The following ULK4 variants were observed in gnomAD, a reference collection of about 807,000 sequenced individuals.
ULK4 encodes the protein inactive serine/threonine-protein kinase ULK4.
A neutral mutation model predicts 160.6 loss-of-function variants in ULK4; 133 were observed. That is an observed-to-expected ratio of 0.83 (90% CI 0.72 to 0.96). The LOEUF is 0.96. Ranked by LOEUF, ULK4 falls within the 40% of genes least tolerant of loss-of-function variation. The pLI, the probability that ULK4 is intolerant of heterozygous loss-of-function variation, is 0.00. For synonymous variants in ULK4, 534 were observed against 539.8 expected (o/e 0.99, Z 0.15); for missense variants, 1,580 against 1,499.5 (o/e 1.05, Z -0.89).
chr3:41,794,685 AACAC>A (rs1491269559), intron 20 of ULK4, among the ~76,000 whole-genome samples: 15 of 129,022 alleles, frequency 1.2e-4, no homozygotes, highest in South Asian at 2.4e-4. Flanking sequence ...AAAAAAAAAA[AACAC>A]AGAAAAAAAA....
rs546140378 is a variant in ULK4, at chr3:41,642,807, C to G, written c.3071+20800G>C. On this transcript the variant is annotated intron_variant, in intron 30 of 36. Coordinates refer to ENST00000301831, the MANE Select transcript of ULK4 (RefSeq NM_017886.4). The stretch of plus-strand genomic sequence containing the variant: ...TTGAACTGGTTTACAGTCCCACCAA[C>G]AGTGTAAAAGTGTTCCTATTTCTCC... Among the ~76,000 whole-genome samples the G allele has an allele frequency of 1.4e-4, 22 of 152,360 alleles. No homozygotes were observed. In the East Asian group the frequency reaches 4.2e-3, roughly 29 times the overall value.
Position 41,398,184 on chromosome 3 carries a change from G to T in ULK4, c.3573C>A (p.Asn1191Lys). ...CATTTTCAGGAGAGAGGCTGTCCGG[G>T]TTTTCCCCTCCATACAGCTGAACCA... ...SILVQLYGGE[N>K]PDSLSPENVE... Residue 1191 changes from asparagine (N) to lysine (K), a missense_variant, in exon 35 of 37, where the codon AAC (asparagine) becomes AAA (lysine). Transcript: ENST00000301831. The T allele has an allele frequency of 1.2e-6, 2 of 1,613,424 alleles. No individual in the cohort carries two copies. Among genetic ancestry groups the T allele is most frequent in the East Asian group, 2.2e-5 (1 of 44,834 alleles).
intron 2 of ULK4, among the ~76,000 whole-genome samples, chr3:41,947,879 C>T (rs756296161): frequency 1.3e-5 from 2 of 152,134 alleles, no homozygotes; most frequent in East Asian, 1.9e-4. Context: ...CTCAACAATA[C>T]GCTTTTGGTG....
At chr3:41,435,263 T>C (rs1170923898) in intron 34 of ULK4, among the ~76,000 whole-genome samples, 1 of 152,160 alleles carries the variant, frequency 6.6e-6, no homozygotes, top group Admixed American at 6.6e-5. Flanking sequence ...TCTCAAGAAA[T>C]GAATCTCACA....
At chr3:41,631,799 T>A (rs1575502869) in intron 30 of ULK4, among the ~76,000 whole-genome samples, 1 of 152,164 alleles carries the variant, frequency 6.6e-6, no homozygotes, top group East Asian at 1.9e-4. Flanking sequence ...GACTCTTTTA[T>A]GAAGCACCTC....
intron 35 of ULK4, among the ~76,000 whole-genome samples, chr3:41,306,368 A>G (rs866623392): frequency 2.5e-4 from 25 of 98,052 alleles, no homozygotes; most frequent in African/African-American, 1.3e-3. Flanking sequence ...CCCCCCGCCC[A>G]GCCAGCTGCC....
At chr3:41,593,404 G>GCA (rs34968650) in intron 31 of ULK4, among the ~76,000 whole-genome samples, 54,001 of 150,876 alleles carry the variant, frequency 0.36, 10,341 homozygotes, top group Non-Finnish European at 0.44. Flanking sequence ...ACACATGCAT[G>GCA]CACACACACA....
At chr3:41,706,553 C>T (rs977380736) in intron 25 of ULK4, among the ~76,000 whole-genome samples, 1 of 150,784 alleles carries the variant, frequency 6.6e-6, no homozygotes, top group East Asian at 1.9e-4. Context: ...ATAGGCCAAG[C>T]GCAGTGGCTC....
chr3:41,387,750 C>T (rs1250547455), intron 35 of ULK4, among the ~76,000 whole-genome samples: 2 of 152,190 alleles, frequency 1.3e-5, no homozygotes, highest in Non-Finnish European at 2.9e-5. Context: ...ATATGTGCCA[C>T]ATTTTCTTAA....
At chr3:41,799,856 CTG>C (rs2040404682) in intron 20 of ULK4, among the ~76,000 whole-genome samples, 1 of 152,112 alleles carries the variant, frequency 6.6e-6, no homozygotes, top group South Asian at 2.1e-4. Flanking sequence ...GAGGGACACT[CTG>C]TCTCAAAATA....
chr3:41,249,391 T>TGGTGTGGAGGGAGATGAGTGGGA, intron 36 of ULK4, 98 bp downstream of exon 36: 1 of 1,137,660 alleles, frequency 8.8e-7, no homozygotes, highest in Non-Finnish European at 1.3e-6. Context: ...TGGTAGTCCC[T>TGGTGTGGAGGGAGATGAGTGGGA]GGTGTGGAGG....
chr3:41,620,888 T>A (rs2033211774), intron 30 of ULK4, among the ~76,000 whole-genome samples: 1 of 152,172 alleles, frequency 6.6e-6, no homozygotes, highest in Admixed American at 6.5e-5. Flanking sequence ...GCCCAAAAGT[T>A]CCTTAAGCTG....
At chr3:41,806,985 A>G (rs1464841068) in intron 19 of ULK4, among the ~76,000 whole-genome samples, 2 of 152,012 alleles carry the variant, frequency 1.3e-5, no homozygotes, top group East Asian at 3.9e-4. Context: ...TCTTGTCTCT[A>G]CCAAGCATGG....
intron 5 of ULK4, among the ~76,000 whole-genome samples, chr3:41,929,715 T>C (rs1699520471): frequency 6.6e-6 from 1 of 152,070 alleles, no homozygotes; most frequent in Non-Finnish European, 1.5e-5. Flanking sequence ...GAGAGCCAAA[T>C]TATGAGTGAA....
intron 2 of ULK4, among the ~76,000 whole-genome samples, chr3:41,944,938 G>A (rs1004829931): frequency 6.6e-6 from 1 of 152,032 alleles, no homozygotes; most frequent in Non-Finnish European, 1.5e-5. Flanking sequence ...CCCATGATTT[G>A]GCCAATATTT....
intron 34 of ULK4, among the ~76,000 whole-genome samples, chr3:41,417,170 C>A (rs960665110): frequency 2.6e-5 from 4 of 152,142 alleles, no homozygotes; most frequent in Admixed American, 2.6e-4. Flanking sequence ...GCATTCTGTT[C>A]TGCACAGCAC....
intron 36 of ULK4, among the ~76,000 whole-genome samples, chr3:41,248,725 G>A (rs2078689145): frequency 6.6e-6 from 1 of 152,200 alleles, no homozygotes; most frequent in Admixed American, 6.5e-5. Flanking sequence ...TGAAGGTCAG[G>A]CACCCCATAG....
chr3:41,391,595 A>G (rs7618346), intron 35 of ULK4, among the ~76,000 whole-genome samples: 85,547 of 151,512 alleles, frequency 0.56, 25,434 homozygotes, highest in African/African-American at 0.78. Flanking sequence ...CTAAAATATT[A>G]AAAGAATGGC....
rs56115114 is a variant in ULK4 at position 41,678,113 on chromosome 3, A to G, written c.2978+3395T>C. The stretch of plus-strand genomic sequence containing the variant: ...TGGGTCTCCAGCTTGTCAACTGCAG[A>G]TCTTGGGACTTCTCAACCTCTGTAA... On this transcript the variant is annotated intron_variant, in intron 29 of 36. Coordinates refer to ENST00000301831, the MANE Select transcript of ULK4 (RefSeq NM_017886.4). Among the ~76,000 whole-genome samples, 687 of 151,770 alleles carry G rather than the reference A, an allele frequency of 4.5e-3. 6 individuals carry two copies. Among genetic ancestry groups the G allele is most frequent in the African/African-American group, 0.016 (655 of 41,364 alleles).
Sources: allele counts gnomAD v4.1 joint callset (sites outside exome capture counted in the v4.1 genomes callset), GRCh38; gene constraint gnomAD v4.1.1; transcripts MANE v1.5; gene names NCBI Gene and HGNC (gene_info 2026-07-23, HGNC 2026-07-21).